OR1J2: variants seen among roughly 807,000 people sequenced by gnomAD.
OR1J2 encodes the protein olfactory receptor family 1 subfamily J member 2, also known as olfactory receptor 1J2.
For synonymous variants in OR1J2, 142 were observed against 99.7 expected (o/e 1.42, Z -2.52); for missense variants, 304 against 246.1 (o/e 1.24, Z -1.57).
the OR1J2 span, among the ~76,000 whole-genome samples, chr9:122,555,811 A>T: frequency 1.3e-5 from 2 of 152,174 alleles, no homozygotes; most frequent in East Asian, 1.9e-4. Context: ...ACACACGCAC[A>T]ATCTCCCGAA....
chr9:122,559,019 C>T, the OR1J2 span, among the ~76,000 whole-genome samples: 6 of 151,932 alleles, frequency 3.9e-5, no homozygotes, highest in African/African-American at 9.7e-5. Flanking sequence ...TTCACATATC[C>T]GTCATCTCAA....
At chr9:122,528,742 G>A in the OR1J2 span, among the ~76,000 whole-genome samples, 4 of 152,178 alleles carry the variant, frequency 2.6e-5, no homozygotes, top group Admixed American at 2.0e-4. Context: ...TGAGGATTAA[G>A]AAAATTTTGC....
At chr9:122,453,251 G>A in the OR1J2 span, among the ~76,000 whole-genome samples, 2 of 152,056 alleles carry the variant, frequency 1.3e-5, no homozygotes, top group South Asian at 2.1e-4. Flanking sequence ...CCAGTCTCAG[G>A]TATTCCTTTA....
chr9:122,510,821 G>A lies in OR1J2; in HGVS notation c.20G>A (p.Ser7Asn), dbSNP rs549717511. The A allele has an allele frequency of 6.3e-7, 1 of 1,592,168 alleles. No homozygotes were observed. The highest frequency in any genetic ancestry group is 1.3e-5 in the African/African-American group (1 of 74,608). ...AGGAGTATGAGCCCTGAGAACCAGA[G>A]CAGCGTGTCCGAGTTCCTCCTTCTG... Reference protein sequence around the residue: MSPENQSSVSEFLLLGL... With the variant: MSPENQNSVSEFLLLGL... Residue 7 changes from serine (S) to asparagine (N), a missense_variant, in exon 1 of 1, where the codon AGC (serine) becomes AAC (asparagine). Ser to Asn is a conservative substitution (Grantham distance 46). Coordinates refer to ENST00000335302, the MANE Select transcript of OR1J2 (RefSeq NM_054107.1).
At chr9:122,460,100 C>G in the OR1J2 span, among the ~76,000 whole-genome samples, 1 of 151,914 alleles carries the variant, frequency 6.6e-6, no homozygotes, top group East Asian at 1.9e-4. Flanking sequence ...CAATTCCATC[C>G]AAGTTGCTGC....
chr9:122,529,236 C>A, the OR1J2 span, among the ~76,000 whole-genome samples: 2 of 151,170 alleles, frequency 1.3e-5, no homozygotes, highest in Admixed American at 6.6e-5. Flanking sequence ...TAGCCATGTC[C>A]AGAAGGGTAA....
At chr9:122,539,165 T>C in the OR1J2 span, among the ~76,000 whole-genome samples, 8 of 152,200 alleles carry the variant, frequency 5.3e-5, no homozygotes, top group Admixed American at 2.0e-4. Context: ...ATGTGCACAA[T>C]GTGCAGGTTT....
chr9:122,455,535 A>G, the OR1J2 span, among the ~76,000 whole-genome samples: 4 of 152,138 alleles, frequency 2.6e-5, no homozygotes, highest in African/African-American at 9.7e-5. Context: ...TACCCATTAA[A>G]ACATTTTTTC....
At chr9:122,518,833 G>A in the OR1J2 span, among the ~76,000 whole-genome samples, 1 of 152,196 alleles carries the variant, frequency 6.6e-6, no homozygotes, top group African/African-American at 2.4e-5. Flanking sequence ...CATAAACAAT[G>A]GAAATTGGAA....
At chr9:122,578,724 G>T in the OR1J2 span, among the ~76,000 whole-genome samples, 17 of 152,048 alleles carry the variant, frequency 1.1e-4, no homozygotes, top group African/African-American at 1.7e-4. Flanking sequence ...ACCAAACATC[G>T]TATGTTCTCA....
At chr9:122,517,577 C>T in the OR1J2 span, among the ~76,000 whole-genome samples, 1,425 of 151,440 alleles carry the variant, frequency 9.4e-3, 19 homozygotes, top group African/African-American at 0.033. Flanking sequence ...ACTTAGTATA[C>T]GTTGGTATAT....
the OR1J2 span, among the ~76,000 whole-genome samples, chr9:122,528,363 G>A: frequency 5.3e-5 from 8 of 152,280 alleles, no homozygotes; most frequent in South Asian, 2.1e-4. Context: ...TTGGGAGACC[G>A]AGGCAGGCGG....
At chr9:122,453,544 C>T in the OR1J2 span, among the ~76,000 whole-genome samples, 1 of 152,182 alleles carries the variant, frequency 6.6e-6, no homozygotes, top group Non-Finnish European at 1.5e-5. Flanking sequence ...CTAAAAAGTA[C>T]TGTGTCCCTC....
At chr9:122,550,300 C>T in the OR1J2 span, among the ~76,000 whole-genome samples, 1 of 150,050 alleles carries the variant, frequency 6.7e-6, no homozygotes, top group Non-Finnish European at 1.5e-5. Flanking sequence ...CAGTTTAATT[C>T]ACAGCTGAAT....
the OR1J2 span, among the ~76,000 whole-genome samples, chr9:122,535,452 A>G: frequency 6.6e-6 from 1 of 152,180 alleles, no homozygotes; most frequent in East Asian, 1.9e-4. Context: ...GTCCACGGAT[A>G]AAACATGTCT....
At chr9:122,551,295 C>T in the OR1J2 span, among the ~76,000 whole-genome samples, 1 of 152,200 alleles carries the variant, frequency 6.6e-6, no homozygotes. Flanking sequence ...ATTCCACTCT[C>T]TCCACTTAAT....
the OR1J2 span, among the ~76,000 whole-genome samples, chr9:122,543,733 T>C: frequency 1.3e-5 from 2 of 152,086 alleles, no homozygotes; most frequent in African/African-American, 4.8e-5. Flanking sequence ...TTCCTACCCA[T>C]AAGGTCTAAC....
downstream of OR1J2, among the ~76,000 whole-genome samples, chr9:122,513,526 AT>A (rs11448781): frequency 2.2e-3 from 326 of 148,396 alleles, no homozygotes; most frequent in African/African-American, 6.3e-3. Flanking sequence ...TTTCACAAGC[AT>A]TTTTTTTTTT....
chr9:122,567,788 G>A, the OR1J2 span: 2 of 1,614,056 alleles, frequency 1.2e-6, no homozygotes, highest in South Asian at 1.1e-5. Context: ...CAGAAGTAGA[G>A]GGAATCTTGA....
Sources: gnomAD v4.1 joint callset for allele counts (sites outside exome capture counted in the v4.1 genomes callset) on GRCh38, gnomAD v4.1.1 for gene constraint, MANE v1.5 for transcripts, NCBI Gene and HGNC (gene_info 2026-07-23, HGNC 2026-07-21) for gene names.